Variants in DACH2 observed in about 807,000 individuals in gnomAD.
DACH2 encodes dachshund family transcription factor 2, also known as dachshund homolog 2.
In DACH2, 17 loss-of-function variants were observed where a neutral mutation model predicts 35.8. The ratio of observed to expected loss-of-function variants is 0.48; its 90% confidence interval spans 0.33 to 0.71. The LOEUF (loss-of-function observed/expected upper bound fraction) is 0.71. Among genes scored for constraint, DACH2 ranks in the 30% least tolerant of loss-of-function variants. The pLI is 0.02. For missense variants in DACH2, 469 were observed against 472.7 expected (o/e 0.99, Z 0.07); for synonymous variants, 195 against 177.3 (o/e 1.10, Z -0.79).
chrX:86,665,598 G>C (rs1189770480), intron 4 of DACH2, among the ~76,000 whole-genome samples: 1 of 111,320 alleles, frequency 9.0e-6, no homozygotes, highest in African/African-American at 3.3e-5. Flanking sequence ...TTCCATATTA[G>C]CTGCTAATTT....
intron 4 of DACH2, among the ~76,000 whole-genome samples, chrX:86,668,453 C>T (rs2040725399): frequency 8.9e-6 from 1 of 112,218 alleles, no homozygotes; most frequent in Non-Finnish European, 1.9e-5. Flanking sequence ...ATCTTCAAAG[C>T]TTGAAAAGCA....
intron 2 of DACH2, among the ~76,000 whole-genome samples, chrX:86,444,298 C>A (rs1460206297): frequency 9.0e-6 from 1 of 110,773 alleles, no homozygotes; most frequent in Non-Finnish European, 1.9e-5. Flanking sequence ...CTATGTTGCC[C>A]AGGCTGATCT....
chrX:86,735,937 T>A (rs986855783), intron 6 of DACH2, among the ~76,000 whole-genome samples: 44 of 111,629 alleles, frequency 3.9e-4, no homozygotes, highest in African/African-American at 1.3e-3. Context: ...ACTTGTGTTC[T>A]CATTTGTAAT....
At chrX:86,572,014 T>C (rs779979969) in intron 3 of DACH2, among the ~76,000 whole-genome samples, 140 of 111,368 alleles carry the variant, frequency 1.3e-3, no homozygotes, top group Non-Finnish European at 2.2e-3. Context: ...TTTGTAAATA[T>C]AGATTTTTTA....
intron 2 of DACH2, among the ~76,000 whole-genome samples, chrX:86,457,264 G>C (rs759530172): frequency 9.0e-6 from 1 of 111,521 alleles, no homozygotes; most frequent in South Asian, 3.7e-4. Flanking sequence ...GATGGATAAC[G>C]GTTCTCTAAG....
chrX:86,616,998 G>A (rs1024125218), intron 3 of DACH2, among the ~76,000 whole-genome samples: 1 of 111,991 alleles, frequency 8.9e-6, no homozygotes, highest in African/African-American at 3.2e-5. Context: ...GCCAGTTATC[G>A]CAGCACCAAT....
intron 7 of DACH2, among the ~76,000 whole-genome samples, chrX:86,792,970 T>C (rs1416892198): frequency 8.9e-6 from 1 of 111,927 alleles, no homozygotes; most frequent in African/African-American, 3.2e-5. Context: ...ATAGTGACTG[T>C]ACTAATTTAC....
At chrX:86,456,144 T>A (rs2037471339) in intron 2 of DACH2, among the ~76,000 whole-genome samples, 1 of 112,090 alleles carries the variant, frequency 8.9e-6, no homozygotes, top group South Asian at 3.7e-4. Context: ...TTCTTTGTTC[T>A]TCATGGGTGA....
intron 2 of DACH2, among the ~76,000 whole-genome samples, chrX:86,416,216 ATTTG>A (rs1209409822): frequency 2.7e-5 from 3 of 112,300 alleles, no homozygotes; most frequent in Admixed American, 1.9e-4. Context: ...GTGACTGTGT[ATTTG>A]TTTGAAGAAA....
intron 4 of DACH2, among the ~76,000 whole-genome samples, chrX:86,666,825 A>C (rs935510103): frequency 1.8e-5 from 2 of 111,587 alleles, no homozygotes; most frequent in Non-Finnish European, 3.8e-5. Context: ...GAAAATTAAT[A>C]ATCCAGATAT....
At chrX:86,469,569 C>T (rs1419350229) in intron 2 of DACH2, among the ~76,000 whole-genome samples, 2 of 110,462 alleles carry the variant, frequency 1.8e-5, no homozygotes, top group Non-Finnish European at 3.8e-5. Flanking sequence ...CTATCTAGTC[C>T]ACACGGTTTA....
chrX:86,590,288 C>G (rs2039626989), intron 3 of DACH2, among the ~76,000 whole-genome samples: 1 of 111,927 alleles, frequency 8.9e-6, no homozygotes, highest in Non-Finnish European at 1.9e-5. Flanking sequence ...GTCAGTTCTT[C>G]CTCCCCCAGC....
chrX:86,308,404 G>A (rs2887272), intron 1 of DACH2, among the ~76,000 whole-genome samples: 48,830 of 111,414 alleles, frequency 0.44, 7,948 homozygotes, highest in Non-Finnish European at 0.52. Context: ...AGCAGCAATC[G>A]TGTAGAGCTC....
At chrX:86,345,577 A>T (rs2148065708) in intron 1 of DACH2, 1 of 180,117 alleles carries the variant, frequency 5.6e-6, no homozygotes, top group African/African-American at 3.1e-5. Flanking sequence ...TTGAATCAAA[A>T]TGTCCTTTCC....
At chrX:86,615,105 A>G (rs755959855) in intron 3 of DACH2, among the ~76,000 whole-genome samples, 13 of 111,611 alleles carry the variant, frequency 1.2e-4, no homozygotes, top group Non-Finnish European at 2.5e-4. Context: ...TTTCTGGAAA[A>G]GATCTTAAGA....
chrX:86,423,863 C>T (rs1038469754), intron 2 of DACH2, among the ~76,000 whole-genome samples: 4 of 110,295 alleles, frequency 3.6e-5, no homozygotes, highest in Non-Finnish European at 7.6e-5. Flanking sequence ...AGATAGGGGT[C>T]AAATCAGAAA....
At chrX:86,701,145 G>A (rs996125731) in intron 5 of DACH2, among the ~76,000 whole-genome samples, 4 of 111,041 alleles carry the variant, frequency 3.6e-5, no homozygotes, top group Non-Finnish European at 3.8e-5. Flanking sequence ...TGAGCAACAC[G>A]TAGAAAGCTA....
chrX:86,605,217 T>C (rs1692043487), intron 3 of DACH2, among the ~76,000 whole-genome samples: 1 of 111,766 alleles, frequency 8.9e-6, no homozygotes, highest in Non-Finnish European at 1.9e-5. Flanking sequence ...TCTGTTTCTT[T>C]TCATTTCTTT....
intron 3 of DACH2, among the ~76,000 whole-genome samples, chrX:86,593,354 G>T (rs191659659): frequency 9.3e-6 from 1 of 107,401 alleles, no homozygotes; most frequent in Non-Finnish European, 1.9e-5. Context: ...CACACTTGAA[G>T]TAAACCCTAT....
Sources: allele counts gnomAD v4.1 joint callset (sites outside exome capture counted in the v4.1 genomes callset), GRCh38; gene constraint gnomAD v4.1.1; transcripts MANE v1.5; gene names NCBI Gene and HGNC (gene_info 2026-07-23, HGNC 2026-07-21).